FAAH2: variants seen among roughly 807,000 people sequenced by gnomAD.
FAAH2 encodes fatty acid amide hydrolase 2, also known as fatty-acid amide hydrolase 2.
Under a neutral mutation model 36.9 loss-of-function variants are expected in FAAH2, and 60 were observed. That is an observed-to-expected ratio of 1.63 (90% CI 1.32 to 2.02). The LOEUF (loss-of-function observed/expected upper bound fraction) is 2.02. Ranked by LOEUF, FAAH2 falls within the 30% of genes most tolerant of loss-of-function variation. FAAH2 has a pLI of 0.00. For synonymous variants in FAAH2, 214 were observed against 143.8 expected (o/e 1.49, Z -3.49); for missense variants, 689 against 397.5 (o/e 1.73, Z -6.23).
At chrX:57,410,485 TTAC>T (rs1289463829) in intron 7 of FAAH2, among the ~76,000 whole-genome samples, 3 of 112,132 alleles carry the variant, frequency 2.7e-5, no homozygotes, top group Non-Finnish European at 5.6e-5. Flanking sequence ...AATTATTTTG[TTAC>T]TCTCTTCAGA....
At chrX:57,487,637 G>A (rs1278739020) in intron 10 of FAAH2, among the ~76,000 whole-genome samples, 1 of 112,109 alleles carries the variant, frequency 8.9e-6, no homozygotes, top group African/African-American at 3.2e-5. Flanking sequence ...TGAGCATGTG[G>A]AGTAACTGGG....
At chrX:57,409,414 T>A (rs1198999553) in intron 7 of FAAH2, among the ~76,000 whole-genome samples, 3 of 111,373 alleles carry the variant, frequency 2.7e-5, no homozygotes, top group Admixed American at 9.6e-5. Flanking sequence ...GTAGAATAGG[T>A]CTGTAATTTT....
intron 7 of FAAH2, chrX:57,392,841 A>G (rs752875178): frequency 1.2e-4 from 83 of 696,105 alleles, no homozygotes; most frequent in Non-Finnish European, 1.5e-4. Flanking sequence ...AGACAAGGAC[A>G]AGTGTGTTTT....
At chrX:57,215,472 C>A in the FAAH2 span, among the ~76,000 whole-genome samples, 1 of 111,333 alleles carries the variant, frequency 9.0e-6, no homozygotes, top group Non-Finnish European at 1.9e-5. Context: ...TGGGTATATA[C>A]CCAAAGGAAT....
At chrX:57,352,659 C>A (rs1209390713) in intron 5 of FAAH2, among the ~76,000 whole-genome samples, 1 of 110,755 alleles carries the variant, frequency 9.0e-6, no homozygotes, top group Non-Finnish European at 1.9e-5. Flanking sequence ...TAGAAAAAGA[C>A]GAAGTTAAAT....
At chrX:57,261,286 G>C in the FAAH2 span, among the ~76,000 whole-genome samples, 1 of 110,408 alleles carries the variant, frequency 9.1e-6, no homozygotes, top group African/African-American at 3.3e-5. Flanking sequence ...TCTATATTTG[G>C]CCAGATCTGT....
chrX:57,429,727 CAT>C (rs1467247695), intron 7 of FAAH2, among the ~76,000 whole-genome samples: 6 of 112,052 alleles, frequency 5.4e-5, no homozygotes, highest in East Asian at 2.8e-4. Context: ...TATCTACACT[CAT>C]GTGTTTATAC....
intron 5 of FAAH2, among the ~76,000 whole-genome samples, chrX:57,361,161 CCAT>C (rs2147139562): frequency 8.9e-6 from 1 of 111,946 alleles, no homozygotes; most frequent in East Asian, 2.8e-4. Flanking sequence ...AGCAGTGAAA[CCAT>C]CAGGTTACTG....
At chrX:57,196,554 T>C in the FAAH2 span, among the ~76,000 whole-genome samples, 1 of 111,723 alleles carries the variant, frequency 9.0e-6, no homozygotes, top group Non-Finnish European at 1.9e-5. Context: ...ACCCTTTATT[T>C]CTTTCTCTTG....
At chrX:57,431,073 C>G (rs191243076) in intron 7 of FAAH2, among the ~76,000 whole-genome samples, 3 of 111,679 alleles carry the variant, frequency 2.7e-5, no homozygotes, top group South Asian at 3.8e-4. Context: ...AACACTAAAT[C>G]GAGACTCTCT....
rs368869592 is a variant in FAAH2 at position 57,438,383 on chromosome X, T to TTA, written c.1116+6360_1116+6361dup. Among the ~76,000 whole-genome samples the TTA allele has an allele frequency of 6.9e-3, 639 of 92,103 alleles. 14 individuals carry two copies. The East Asian group carries it at 0.092, about 13-fold the overall frequency. The allele number at this position is 92,103 out of a possible 115,157, so 80.0% of individuals were successfully genotyped here. On this transcript the variant is annotated intron_variant, in intron 8 of 10. Coordinates refer to ENST00000374900, the MANE Select transcript of FAAH2 (RefSeq NM_174912.4). Reference sequence around the variant, plus strand: ...ATTGGAAGAATTAATATATACAAAATTATATATATATATATCAGTAAAACT... The same window carrying TTA: ...ATTGGAAGAATTAATATATACAAAATTATATATATATATATATCAGTAAAACT...
the FAAH2 span, among the ~76,000 whole-genome samples, chrX:57,199,281 G>GT: frequency 1.9e-4 from 21 of 109,838 alleles, no homozygotes; most frequent in East Asian, 5.8e-4. Context: ...GGTATGTTGT[G>GT]TTTTTTTTAT....
At chrX:57,246,876 T>A in the FAAH2 span, among the ~76,000 whole-genome samples, 1 of 111,738 alleles carries the variant, frequency 8.9e-6, no homozygotes, top group Non-Finnish European at 1.9e-5. Flanking sequence ...TGGGTTGAGC[T>A]GCAGTGCAAA....
At chrX:57,357,863 C>A (rs1454424264) in intron 5 of FAAH2, among the ~76,000 whole-genome samples, 1 of 111,594 alleles carries the variant, frequency 9.0e-6, no homozygotes, top group Admixed American at 9.5e-5. Flanking sequence ...ATAAATCATT[C>A]TACTATAAAG....
chrX:57,358,602 G>C (rs1569289196), intron 5 of FAAH2, among the ~76,000 whole-genome samples: 1 of 111,221 alleles, frequency 9.0e-6, no homozygotes, highest in South Asian at 3.7e-4. Flanking sequence ...TTCTCAACCT[G>C]TTCATCTGTT....
the FAAH2 span, among the ~76,000 whole-genome samples, chrX:57,240,249 T>A: frequency 9.0e-6 from 1 of 111,246 alleles, no homozygotes; most frequent in South Asian, 3.8e-4. Flanking sequence ...CTGGTATAAG[T>A]TGGGTTTAGT....
At chrX:57,466,656 T>C (rs148353392) in intron 10 of FAAH2, among the ~76,000 whole-genome samples, 198 of 110,984 alleles carry the variant, frequency 1.8e-3, no homozygotes, top group African/African-American at 6.2e-3. Context: ...ACAATTAAGA[T>C]TCAAATAGAT....
chrX:57,386,848 G>A (rs2055036765), intron 7 of FAAH2, among the ~76,000 whole-genome samples: 1 of 112,244 alleles, frequency 8.9e-6, no homozygotes, highest in Admixed American at 9.4e-5. Context: ...CTCATCACCT[G>A]TTGGCATCAG....
At chrX:57,276,282 C>T in the FAAH2 span, among the ~76,000 whole-genome samples, 2 of 112,160 alleles carry the variant, frequency 1.8e-5, no homozygotes, top group African/African-American at 6.5e-5. Context: ...CTCAAAACCA[C>T]ACAACTACAT....
Sources: gnomAD v4.1 joint callset for allele counts (sites outside exome capture counted in the v4.1 genomes callset) on GRCh38, gnomAD v4.1.1 for gene constraint, MANE v1.5 for transcripts, NCBI Gene and HGNC (gene_info 2026-07-23, HGNC 2026-07-21) for gene names.